IL17RC: variants seen among roughly 807,000 people sequenced by gnomAD.
The protein encoded by IL17RC is interleukin-17 receptor C.
Under a neutral mutation model 86.7 loss-of-function variants are expected in IL17RC, and 53 were observed. The ratio of observed to expected loss-of-function variants is 0.61; its 90% CI spans 0.49 to 0.77. The LOEUF (loss-of-function observed/expected upper bound fraction) is 0.77, where lower values mean the gene tolerates loss of function less well. Ranked by LOEUF, IL17RC falls within the 30% of genes least tolerant of loss-of-function variation. The pLI is 0.00. For missense variants in IL17RC, 957 were observed against 940.0 expected, an observed-to-expected ratio of 1.02 and a Z score of -0.24; for synonymous variants, 439 against 413.1, an observed-to-expected ratio of 1.06 and a Z score of -0.76.
At chr3:9,932,484 C>T (rs554121850) in intron 16 of IL17RC, 124 bp from the exon 17 acceptor site, 2 of 901,258 alleles carry the variant, frequency 2.2e-6, no homozygotes, top group East Asian at 2.4e-5. Context: ...CCTCGGCCTC[C>T]CGAAGTGCTG....
In IL17RC at chr3:9,930,100, G is replaced by C; in HGVS notation, c.1229G>C (p.Cys410Ser). Residue 410 changes from cysteine to serine, a missense_variant, in exon 14 of 19, where the codon TGT becomes TCT. By Grantham distance (112) the Cys-to-Ser change is moderately radical. Transcript: ENST00000403601. This position sits in a 1 kb window ranked among gnomAD's most constrained non-coding sequence, Gnocchi z 5.8. ...GGCCCCCAGGACAACAGATCCCTCT[G>C]TGCCTTGGAACCCAGTGGCTGTACT... is the stretch of plus-strand genomic sequence containing the variant. ...TRGPQDNRSL[C>S]ALEPSGCTSL... 1 of 1,614,142 alleles carries C rather than the reference G, an allele frequency of 6.2e-7. No individual in the cohort carries two copies. The highest frequency in any genetic ancestry group is 8.5e-7 in the Non-Finnish European group (1 of 1,180,018).
At chr3:9,928,557 C>T (rs764128850) in intron 11 of IL17RC, 23 bp from the exon 12 acceptor site, 2 of 1,613,864 alleles carry the variant, frequency 1.2e-6, no homozygotes, top group African/African-American at 2.7e-5. Flanking sequence ...TTTGTGATCC[C>T]ACCCATTCCT....
chr3:9,918,114 G>A (rs2125123221), intron 3 of IL17RC, 39 bp downstream of exon 3: 1 of 1,546,306 alleles, frequency 6.5e-7, no homozygotes, highest in East Asian at 2.4e-5. Flanking sequence ...GTGTACACGT[G>A]AGTGTGTCTG....
intron 3 of IL17RC, 71 bp downstream of exon 3, chr3:9,918,146 G>T (rs1263236712): frequency 1.3e-6 from 2 of 1,494,014 alleles, no homozygotes; most frequent in Admixed American, 2.0e-5. Context: ...AGGGCCAGGG[G>T]ATCTCTCAAG....
chr3:9,927,705 C>A (rs2084218576), intron 9 of IL17RC, among the ~76,000 whole-genome samples: 1 of 152,170 alleles, frequency 6.6e-6, no homozygotes, highest in African/African-American at 2.4e-5. Context: ...CTTTGGGAGG[C>A]TGAGACGGGT....
intron 5 of IL17RC, 66 bp downstream of exon 5, chr3:9,918,675 C>G: frequency 9.5e-7 from 1 of 1,057,036 alleles, no homozygotes; most frequent in Non-Finnish European, 1.5e-6. Flanking sequence ...CATGCATTAT[C>G]TCTTTGAGGA....
In IL17RC at chr3:9,920,612, C is replaced by T. The variant is rs766428005; in HGVS notation, c.577+10C>T. 1.9e-6 allele frequency: 3 copies of T among 1,559,326 alleles called. No individual in the cohort carries two copies. The highest frequency in any genetic ancestry group is 4.6e-5 in the East Asian group (2 of 43,878). The stretch of plus-strand genomic sequence containing the variant: ...ACACAGCAGCTGCCTGGTAAGTGGA[C>T]CCCCAAGTCCTGGCCCCCTAGCCTC... On this transcript the variant is annotated intron_variant, in intron 6 of 18. Transcript: ENST00000403601.
intron 12 of IL17RC, chr3:9,929,604 C>A: frequency 1.8e-6 from 1 of 557,430 alleles, no homozygotes. Context: ...GAGAGGGGAA[C>A]CATGCTCCGT....
chr3:9,917,619 G>A, intron 1 of IL17RC, 94 bp from the exon 2 acceptor site: 3 of 1,614,050 alleles, frequency 1.9e-6, no homozygotes, highest in South Asian at 2.2e-5. Flanking sequence ...TGGGAATACG[G>A]AGCCCCAGAA....
At chr3:9,921,047 G>C in intron 7 of IL17RC, 78 bp downstream of exon 7, 2 of 832,204 alleles carry the variant, frequency 2.4e-6, no homozygotes, top group Non-Finnish European at 1.9e-6. Flanking sequence ...GTCCACTTCA[G>C]ATATGGGCTA....
intron 9 of IL17RC, among the ~76,000 whole-genome samples, chr3:9,925,140 G>A (rs1296693410): frequency 7.4e-6 from 1 of 134,904 alleles, no homozygotes; most frequent in Non-Finnish European, 1.6e-5. Context: ...TTTTAAGACA[G>A]AGTCTTTCTC....
In IL17RC at chr3:9,930,215, T is replaced by C; in HGVS notation, c.1278+66T>C. ...GCATCTCACATCTGGCCTCAAATTTTCACTCCATCCACCCTGTGCCGGTCT... is the reference window on the plus strand; with the variant it reads ...GCATCTCACATCTGGCCTCAAATTTCCACTCCATCCACCCTGTGCCGGTCT... On this transcript the variant is annotated intron_variant, in intron 14 of 18. Coordinates refer to ENST00000403601, the MANE Select transcript of IL17RC (RefSeq NM_153460.4). This position sits in a 1 kb window ranked among gnomAD's most constrained non-coding sequence, Gnocchi z 5.8. 3 of 1,599,786 alleles carry C rather than the reference T, an allele frequency of 1.9e-6. No individual in the cohort carries two copies. Among genetic ancestry groups the C allele is most frequent in the Non-Finnish European group, 2.6e-6 (3 of 1,169,948 alleles).
chr3:9,932,718 G>C lies in IL17RC; in HGVS notation c.1483+15G>C. 6.2e-7 allele frequency: 1 copy of C among 1,613,928 alleles called. No individual in the cohort carries two copies. Among genetic ancestry groups the C allele is most frequent in the East Asian group, 2.2e-5 (1 of 44,876 alleles). On this transcript the variant is annotated intron_variant, in intron 17 of 18. Transcript: ENST00000403601. ...TCACGCGAAAGGTGAGCGCTTCCCG[G>C]CTCCCCATTCCCCTGGGGGAGGACC... is the stretch of plus-strand genomic sequence containing the variant.
In IL17RC at chr3:9,933,212, G is replaced by A. The variant is rs1690937374; in HGVS notation, c.1782G>A (p.Gln594=). The change falls in exon 19 of 19, where the codon CAG becomes CAA. Residue 594 remains glutamine, a synonymous_variant. Coordinates refer to ENST00000403601, the MANE Select transcript of IL17RC (RefSeq NM_153460.4). ...GAVALCSEWL[Q]DGVSGPGAHG... is the part of the protein sequence containing the mutation. ...TGGCGCTGTGCAGCGAGTGGCTACAGGATGGGGTGTCCGGGCCCGGGGCGC... is the reference window on the plus strand; with the variant it reads ...TGGCGCTGTGCAGCGAGTGGCTACAAGATGGGGTGTCCGGGCCCGGGGCGC... 17 of 1,608,222 alleles carry A rather than the reference G, an allele frequency of 1.1e-5. No individual in the cohort carries two copies. Among genetic ancestry groups the A allele is most frequent in the Middle Eastern group, 1.7e-4 (1 of 5,922 alleles).
Position 9,933,246 on chromosome 3 carries a change from C to G in IL17RC, c.1816C>G (p.His606Asp), listed in dbSNP as rs2084962826. 6.2e-7 allele frequency: 1 copy of G among 1,605,080 alleles called. No individual in the cohort carries two copies. Among genetic ancestry groups the G allele is most frequent in the Non-Finnish European group, 8.5e-7 (1 of 1,176,312 alleles). Residue 606 changes from histidine (H) to aspartate (D), a missense_variant, in exon 19 of 19, where the codon CAC becomes GAC. Physicochemically the swap from His to Asp is moderately conservative, Grantham distance 81. Transcript: ENST00000403601. ...GVSGPGAHGPHDAFRASLSCV... is the reference protein window; with the variant it reads ...GVSGPGAHGPDDAFRASLSCV... The stretch of plus-strand genomic sequence containing the variant: ...GTCCGGGCCCGGGGCGCACGGCCCG[C>G]ACGACGCCTTCCGCGCCTCGCTCAG...
At chr3:9,928,704 C>G in intron 12 of IL17RC, 74 bp downstream of exon 12, 1 of 1,486,122 alleles carries the variant, frequency 6.7e-7, no homozygotes, top group Non-Finnish European at 9.3e-7. Context: ...GGTCTTAGTT[C>G]TTGGGCCGCT....
At chr3:9,921,952 C>CTTTTTTTT (rs35608782) in intron 7 of IL17RC, among the ~76,000 whole-genome samples, 1 of 88,200 alleles carries the variant, frequency 1.1e-5, no homozygotes, top group Non-Finnish European at 2.1e-5. Flanking sequence ...ATGTCCAGTT[C>CTTTTTTTT]TTTTTTTTTT....
At chr3:9,928,780 C>G in intron 12 of IL17RC, 150 bp downstream of exon 12, 2 of 759,326 alleles carry the variant, frequency 2.6e-6, no homozygotes, top group Non-Finnish European at 4.5e-6. Context: ...TGCGCGGGAC[C>G]CTGGGCAACT....
chr3:9,932,067 C>A (rs1286614481), intron 16 of IL17RC, among the ~76,000 whole-genome samples: 2 of 152,064 alleles, frequency 1.3e-5, no homozygotes, highest in Non-Finnish European at 2.9e-5. Context: ...ATTTAGTCCT[C>A]ACACCAACCC....
Sources: allele counts gnomAD v4.1 joint callset (sites outside exome capture counted in the v4.1 genomes callset), GRCh38; gene constraint gnomAD v4.1.1; non-coding constraint Gnocchi (gnomAD v3.1); transcripts MANE v1.5; gene names NCBI Gene and HGNC (gene_info 2026-07-23, HGNC 2026-07-21).